Variants in NCAM1 observed in about 807,000 individuals in gnomAD.
The protein encoded by NCAM1 is antigen recognized by monoclonal antibody 5.1H11.
NCAM1 carries 14 observed loss-of-function variants against 109.8 expected under a neutral mutation model. The ratio of observed to expected loss-of-function variants is 0.13; its 90% CI spans 0.08 to 0.20. NCAM1 has a LOEUF of 0.20. NCAM1 is among the 10% of genes least tolerant of loss of function. NCAM1 has a pLI of 1.00. For missense variants in NCAM1, 774 were observed against 1,109.9 expected, an observed-to-expected ratio of 0.70 and a Z score of 4.30; for synonymous variants, 418 against 442.9, an observed-to-expected ratio of 0.94 and a Z score of 0.70.
rs549261604 is a variant in NCAM1 at position 113,104,364 on chromosome 11, CT to C, written c.53-98005del. 3.7e-4 allele frequency among the ~76,000 whole-genome samples: 55 copies of C among 146,716 alleles called. 1 individual carries two copies. Among genetic ancestry groups the C allele is most frequent in the Admixed American group, 2.6e-3 (38 of 14,704 alleles). On this transcript the variant is annotated intron_variant, in intron 1 of 19. Transcript: ENST00000316851. ...ATAGCATCTGAGGCTGCTTCTGAGG[CT>C]TTTTTTTTTCTATTACAAGAAATTT...
chr11:113,270,758 T>A (rs943227376), intron 18 of NCAM1, among the ~76,000 whole-genome samples: 1 of 152,150 alleles, frequency 6.6e-6, no homozygotes, highest in African/African-American at 2.4e-5. Flanking sequence ...TCGTACATTG[T>A]TTATTCATTC....
intron 1 of NCAM1, among the ~76,000 whole-genome samples, chr11:113,083,733 T>G (rs925181827): frequency 5.3e-5 from 8 of 152,202 alleles, no homozygotes. Context: ...CCTGAGAGTC[T>G]GTAGTTCTAA....
chr11:113,083,777 A>G (rs532537615), intron 1 of NCAM1, among the ~76,000 whole-genome samples: 83 of 152,318 alleles, frequency 5.4e-4, no homozygotes, highest in Admixed American at 3.9e-4. Context: ...TGGTGGCCCC[A>G]GGATCACTTT....
At chr11:113,153,254 G>C (rs1310055668) in intron 1 of NCAM1, among the ~76,000 whole-genome samples, 1 of 152,122 alleles carries the variant, frequency 6.6e-6, no homozygotes, top group African/African-American at 2.4e-5. Context: ...TGTTGGCCAG[G>C]CTGGTCTCAG....
intron 1 of NCAM1, among the ~76,000 whole-genome samples, chr11:113,116,045 A>C (rs1555094811): frequency 6.6e-6 from 1 of 152,196 alleles, no homozygotes; most frequent in East Asian, 1.9e-4. Flanking sequence ...CAAATACAAA[A>C]ATCTAGGCTT....
At chr11:113,046,017 T>C (rs1447050680) in intron 1 of NCAM1, among the ~76,000 whole-genome samples, 2 of 152,180 alleles carry the variant, frequency 1.3e-5, no homozygotes, top group African/African-American at 4.8e-5. Flanking sequence ...AAAGACTTAC[T>C]CTGTTCCCTT....
chr11:113,007,950 AAT>A (rs1951931360), intron 1 of NCAM1, among the ~76,000 whole-genome samples: 1 of 152,236 alleles, frequency 6.6e-6, no homozygotes, highest in African/African-American at 2.4e-5. Flanking sequence ...ATATGGTAAA[AAT>A]ATGTGTCTGT....
chr11:112,998,267 G>C (rs533619902), intron 1 of NCAM1, among the ~76,000 whole-genome samples: 3 of 152,266 alleles, frequency 2.0e-5, no homozygotes, highest in African/African-American at 7.2e-5. Flanking sequence ...CTACTGAACT[G>C]TGGTCAGTTC....
chr11:113,091,742 G>T (rs1262771311), intron 1 of NCAM1, among the ~76,000 whole-genome samples: 1 of 152,156 alleles, frequency 6.6e-6, no homozygotes, highest in African/African-American at 2.4e-5. Context: ...AGGGCTTATA[G>T]CCCCACTTCA....
intron 14 of NCAM1, chr11:113,236,428 A>T: frequency 8.4e-7 from 1 of 1,188,580 alleles, no homozygotes; most frequent in Non-Finnish European, 1.2e-6. Context: ...GAAGTAGATG[A>T]TATTGTCTGG....
chr11:113,065,062 T>C (rs2135516502), intron 1 of NCAM1, among the ~76,000 whole-genome samples: 1 of 152,294 alleles, frequency 6.6e-6, no homozygotes, highest in South Asian at 2.1e-4. Flanking sequence ...GAGCATCTTG[T>C]AGTGCCTGAA....
intron 15 of NCAM1, among the ~76,000 whole-genome samples, chr11:113,250,770 G>C (rs1362672951): frequency 6.6e-6 from 1 of 152,146 alleles, no homozygotes; most frequent in African/African-American, 2.4e-5. Context: ...CAAAGTAGAT[G>C]AATAGAGAAC....
At chr11:113,248,228 C>A (rs79533746) in intron 15 of NCAM1, among the ~76,000 whole-genome samples, 145 of 129,974 alleles carry the variant, frequency 1.1e-3, no homozygotes, top group East Asian at 1.1e-3. Flanking sequence ...TGGCCGGTAC[C>A]AAAAAAAAAA....
intron 1 of NCAM1, among the ~76,000 whole-genome samples, chr11:112,996,263 G>A (rs1490524569): frequency 1.6e-4 from 24 of 152,048 alleles, no homozygotes; most frequent in African/African-American, 5.6e-4. Context: ...CTTAACATAG[G>A]CACTGTCTTC....
At chr11:113,183,729 C>T (rs1943401094) in intron 1 of NCAM1, among the ~76,000 whole-genome samples, 1 of 152,046 alleles carries the variant, frequency 6.6e-6, no homozygotes, top group South Asian at 2.1e-4. Flanking sequence ...GGGACTTATT[C>T]GTGTTCATAA....
chr11:113,126,683 A>G (rs1941192707), intron 1 of NCAM1, among the ~76,000 whole-genome samples: 1 of 152,230 alleles, frequency 6.6e-6, no homozygotes, highest in Non-Finnish European at 1.5e-5. Flanking sequence ...AAATTCTTTT[A>G]CATGAACGGT....
intron 1 of NCAM1, among the ~76,000 whole-genome samples, chr11:113,107,693 G>T (rs1339122609): frequency 6.6e-6 from 1 of 152,040 alleles, no homozygotes; most frequent in Non-Finnish European, 1.5e-5. Flanking sequence ...GGAGGAAACG[G>T]CCCCCACAAT....
In NCAM1 at chr11:113,270,406, A is replaced by T. The variant is rs1946240865; in HGVS notation, c.2339+11A>T. The T allele has an allele frequency of 6.2e-7, 1 of 1,613,456 alleles. No individual in the cohort carries two copies. The highest frequency in any genetic ancestry group is 1.3e-5 in the African/African-American group (1 of 74,876). The stretch of plus-strand genomic sequence containing the variant: ...CAAGGCCGCCTTCTCGTGAGTGCAG[A>T]CCTGTCCACCTTGCTGAGGTTTGGG... On this transcript the variant is annotated intron_variant, in intron 18 of 19. Coordinates refer to ENST00000316851, the MANE Select transcript of NCAM1 (RefSeq NM_181351.5).
At position 113,271,891 on chromosome 11, in the gene NCAM1, A is replaced by T; in HGVS notation, c.2456+15A>T. On this transcript the variant is annotated intron_variant, in intron 19 of 19. Transcript: ENST00000316851. ...ACGGAGCCCGAGTACGTGGGCTGGG[A>T]GGGGCTGGCACCTGCTCCGTAGAGA... The T allele has an allele frequency of 6.5e-7, 1 of 1,547,008 alleles. No homozygotes were observed. The highest frequency in any genetic ancestry group is 1.2e-5 in the South Asian group (1 of 83,844).
Sources: allele counts gnomAD v4.1 joint callset (sites outside exome capture counted in the v4.1 genomes callset), GRCh38; gene constraint gnomAD v4.1.1; transcripts MANE v1.5; gene names NCBI Gene and HGNC (gene_info 2026-07-23, HGNC 2026-07-21).